Variants in ZFPM2 observed in about 807,000 individuals in gnomAD.
The protein encoded by ZFPM2 is zinc finger protein, FOG family member 2, also known as zinc finger protein ZFPM2.
ZFPM2 carries 20 observed loss-of-function variants against 98.6 expected under a neutral mutation model. That is an observed-to-expected ratio of 0.20 (90% CI 0.14 to 0.29). The LOEUF is 0.29. Among genes scored for constraint, ZFPM2 ranks in the 10% least tolerant of loss-of-function variants. The pLI, the probability that ZFPM2 is intolerant of heterozygous loss-of-function variation, is 1.00. For synonymous variants in ZFPM2, 518 were observed against 502.7 expected (o/e 1.03, Z -0.41); for missense variants, 1,310 against 1,388.6 (o/e 0.94, Z 0.90).
intron 3 of ZFPM2, among the ~76,000 whole-genome samples, chr8:105,529,979 C>G (rs1814261608): frequency 6.6e-6 from 1 of 152,072 alleles, no homozygotes; most frequent in Non-Finnish European, 1.5e-5. Context: ...GATCCACCTG[C>G]CTCGGCCTCC....
rs544379598 is a variant in ZFPM2 at position 105,681,335 on chromosome 8, C to T, written c.532+46978C>T. On this transcript the variant is annotated intron_variant, in intron 5 of 7. Coordinates refer to ENST00000407775, the MANE Select transcript of ZFPM2 (RefSeq NM_012082.4). ...ACTACAATCCCATTCCTCACAACCCCTTTCAGAATGCACAGAGTGTAAATT... is the reference window on the plus strand; with the variant it reads ...ACTACAATCCCATTCCTCACAACCCTTTTCAGAATGCACAGAGTGTAAATT... Among the ~76,000 whole-genome samples, 3 of 152,226 alleles carry T rather than the reference C, an allele frequency of 2.0e-5. No homozygotes were observed. In the South Asian group the frequency reaches 6.2e-4, roughly 32 times the overall value.
chr8:105,716,188 A>G (rs1222390053), intron 5 of ZFPM2, among the ~76,000 whole-genome samples: 2 of 149,794 alleles, frequency 1.3e-5, no homozygotes, highest in Non-Finnish European at 3.0e-5. Context: ...TGTAAATAAA[A>G]TTTATATGTA....
intron 4 of ZFPM2, among the ~76,000 whole-genome samples, chr8:105,605,587 T>A (rs147140942): frequency 2.0e-5 from 3 of 152,236 alleles, no homozygotes; most frequent in African/African-American, 7.2e-5. Flanking sequence ...AATTAACTTC[T>A]GTGTTGATAT....
At chr8:105,659,539 G>C (rs2130883626) in intron 5 of ZFPM2, among the ~76,000 whole-genome samples, 1 of 152,180 alleles carries the variant, frequency 6.6e-6, no homozygotes, top group Admixed American at 6.5e-5. Flanking sequence ...AAAGTGAGAG[G>C]GGTGGCATAA....
rs149251349 is a variant in ZFPM2, at chr8:105,693,376, C to T, written c.532+59019C>T. Among the ~76,000 whole-genome samples the T allele has an allele frequency of 1.0e-3, 158 of 152,306 alleles. 2 individuals are homozygous for T. The East Asian group carries it at 0.025, about 24-fold the overall frequency. On this transcript the variant is annotated intron_variant, in intron 5 of 7. Transcript: ENST00000407775. ...AACTCGCGTTGGGACTTCTGACAAG[C>T]AGCTGCATCCTAAGTTACATTTTGA...
At chr8:105,576,300 T>C (rs528957180) in intron 4 of ZFPM2, among the ~76,000 whole-genome samples, 4 of 152,288 alleles carry the variant, frequency 2.6e-5, no homozygotes, top group African/African-American at 9.6e-5. Context: ...TTCCTCCTAC[T>C]ATTGGCCTGG....
intron 5 of ZFPM2, among the ~76,000 whole-genome samples, chr8:105,714,063 G>A (rs2130983121): frequency 6.6e-6 from 1 of 152,008 alleles, no homozygotes; most frequent in African/African-American, 2.4e-5. Context: ...TGGACATTTT[G>A]ATGATATTGA....
Position 105,668,932 on chromosome 8 carries a change from A to G in ZFPM2, c.532+34575A>G, listed in dbSNP as rs527363845. Among the ~76,000 whole-genome samples the G allele has an allele frequency of 6.1e-4, 93 of 152,194 alleles. 2 individuals are homozygous for G. The highest frequency in any genetic ancestry group is 2.1e-4 in the Non-Finnish European group (14 of 68,008). On this transcript the variant is annotated intron_variant, in intron 5 of 7. Coordinates refer to ENST00000407775, the MANE Select transcript of ZFPM2 (RefSeq NM_012082.4). ...TTTTAAATTTTGAATAAATGAGTAAATTGGTAAACTAGTTGATGGAAACAT... is the reference window on the plus strand; with the variant it reads ...TTTTAAATTTTGAATAAATGAGTAAGTTGGTAAACTAGTTGATGGAAACAT...
intron 1 of ZFPM2, among the ~76,000 whole-genome samples, chr8:105,388,467 TG>T (rs1259873615): frequency 6.6e-6 from 1 of 152,092 alleles, no homozygotes; most frequent in Non-Finnish European, 1.5e-5. Flanking sequence ...TGTTAGCATG[TG>T]GGTGGGAGGA....
intron 1 of ZFPM2, among the ~76,000 whole-genome samples, chr8:105,400,535 T>G (rs1811319697): frequency 6.6e-6 from 1 of 152,182 alleles, no homozygotes; most frequent in African/African-American, 2.4e-5. Flanking sequence ...CTAAAATTGA[T>G]TTTTTCTAAC....
At chr8:105,458,965 GA>G (rs148817465) in intron 3 of ZFPM2, among the ~76,000 whole-genome samples, 1 of 151,852 alleles carries the variant, frequency 6.6e-6, no homozygotes, top group Non-Finnish European at 1.5e-5. Flanking sequence ...GGTGATAAAG[GA>G]AAAAAACTTT....
chr8:105,572,191 C>A (rs1225231669), intron 4 of ZFPM2, among the ~76,000 whole-genome samples: 1 of 151,772 alleles, frequency 6.6e-6, no homozygotes, highest in Non-Finnish European at 1.5e-5. Context: ...GTGCACGCCA[C>A]CACACCTGGC....
intron 3 of ZFPM2, among the ~76,000 whole-genome samples, chr8:105,471,377 T>C (rs1437954324): frequency 6.6e-6 from 1 of 152,202 alleles, no homozygotes; most frequent in African/African-American, 2.4e-5. Context: ...GAATTTGTCA[T>C]GGTTGACACT....
chr8:105,436,210 G>A (rs1380404435), intron 2 of ZFPM2, among the ~76,000 whole-genome samples: 2 of 152,102 alleles, frequency 1.3e-5, no homozygotes, highest in African/African-American at 2.4e-5. Flanking sequence ...GATCAAATTC[G>A]TTAACCATTT....
At position 105,419,258 on chromosome 8, in the gene ZFPM2, C is replaced by A. The variant is rs1338467005; in HGVS notation, c.155C>A (p.Pro52His). Residue 52 changes from proline (P) to histidine (H), a missense_variant, in exon 2 of 8, where the codon CCT (proline) becomes CAT (histidine). Coordinates refer to ENST00000407775, the MANE Select transcript of ZFPM2 (RefSeq NM_012082.4). ...GAAAGCTTTTCCACAGAATTTGGGC[C>A]TGAAAATCTGAGCTGCGAAGAAGTG... is the stretch of plus-strand genomic sequence containing the variant. The part of the protein sequence containing the change: ...LEESFSTEFG[P>H]ENLSCEEVEY... 1.2e-6 allele frequency: 2 copies of A among 1,613,478 alleles called. No homozygotes were observed. Among genetic ancestry groups the A allele is most frequent in the South Asian group, 2.2e-5 (2 of 91,016 alleles).
chr8:105,357,572 A>G (rs1281568348), intron 1 of ZFPM2, among the ~76,000 whole-genome samples: 1 of 152,166 alleles, frequency 6.6e-6, no homozygotes, highest in East Asian at 1.9e-4. Flanking sequence ...ATTATTGAAT[A>G]TTTTGTCATA....
chr8:105,529,954 C>T (rs1274398061), intron 3 of ZFPM2, among the ~76,000 whole-genome samples: 1 of 152,034 alleles, frequency 6.6e-6, no homozygotes, highest in Non-Finnish European at 1.5e-5. Context: ...TGGTCTAGAA[C>T]TCCTGACCTC....
chr8:105,382,221 G>T (rs1192782610), intron 1 of ZFPM2, among the ~76,000 whole-genome samples: 1 of 151,910 alleles, frequency 6.6e-6, no homozygotes, highest in Non-Finnish European at 1.5e-5. Context: ...TCAATAGTAT[G>T]ATTTCCTGAC....
chr8:105,579,852 GA>G (rs746638765), intron 4 of ZFPM2, among the ~76,000 whole-genome samples: 1 of 151,998 alleles, frequency 6.6e-6, no homozygotes, highest in Non-Finnish European at 1.5e-5. Flanking sequence ...ATGAAAACTG[GA>G]ATGAGAATTA....
Sources: allele counts gnomAD v4.1 joint callset (sites outside exome capture counted in the v4.1 genomes callset), GRCh38; gene constraint gnomAD v4.1.1; transcripts MANE v1.5; gene names NCBI Gene and HGNC (gene_info 2026-07-23, HGNC 2026-07-21).